The following STXBP4 variants were observed in gnomAD, a reference collection of about 807,000 sequenced individuals.
STXBP4 encodes syntaxin-binding protein 4.
Under a neutral mutation model 76.1 loss-of-function variants are expected in STXBP4, and 55 were observed. That is an observed-to-expected ratio of 0.72 (90% CI 0.58 to 0.91). STXBP4 has a LOEUF of 0.91. STXBP4 is among the 40% of genes least tolerant of loss of function. The pLI, the probability that STXBP4 is intolerant of heterozygous loss-of-function variation, is 0.00. For synonymous variants in STXBP4, 201 were observed against 220.2 expected (o/e 0.91, Z 0.77); for missense variants, 618 against 636.9 (o/e 0.97, Z 0.32).
intron 16 of STXBP4, among the ~76,000 whole-genome samples, chr17:55,090,740 C>A (rs1486121415): frequency 6.6e-6 from 1 of 152,018 alleles, no homozygotes; most frequent in Admixed American, 6.6e-5. Context: ...ATACAGCTCT[C>A]AAGATTCATA....
chr17:55,123,571 C>CA (rs780923654), intron 16 of STXBP4, among the ~76,000 whole-genome samples: 2 of 152,028 alleles, frequency 1.3e-5, no homozygotes, highest in Admixed American at 6.6e-5. Flanking sequence ...TATCTGACTG[C>CA]AACAGCAAGC....
At chr17:55,088,738 T>C (rs931166591) in intron 16 of STXBP4, among the ~76,000 whole-genome samples, 11 of 152,154 alleles carry the variant, frequency 7.2e-5, no homozygotes, top group African/African-American at 2.7e-4. Flanking sequence ...TGGACTCCAT[T>C]GAAATCTGAT....
chr17:55,084,649 G>A (rs1364669903), intron 16 of STXBP4, among the ~76,000 whole-genome samples: 3 of 151,500 alleles, frequency 2.0e-5, no homozygotes, highest in Non-Finnish European at 2.9e-5. Context: ...ATCTTGAATT[G>A]ATTTTTGTAT....
chr17:55,085,790 C>G (rs2079318616), intron 16 of STXBP4, among the ~76,000 whole-genome samples: 1 of 152,024 alleles, frequency 6.6e-6, no homozygotes, highest in Admixed American at 6.6e-5. Flanking sequence ...CTATGCCACT[C>G]ATAGTGTCTA....
intron 12 of STXBP4, among the ~76,000 whole-genome samples, chr17:55,049,772 G>T (rs2078835361): frequency 6.6e-6 from 1 of 151,772 alleles, no homozygotes; most frequent in Non-Finnish European, 1.5e-5. Context: ...TTTTTAAAAA[G>T]TTTTTCAAAA....
At chr17:55,149,976 T>G (rs1415073886) in intron 17 of STXBP4, among the ~76,000 whole-genome samples, 2 of 152,114 alleles carry the variant, frequency 1.3e-5, no homozygotes, top group African/African-American at 4.8e-5. Flanking sequence ...ATGAGGCATG[T>G]TTTTTCACAT....
intron 17 of STXBP4, among the ~76,000 whole-genome samples, chr17:55,153,667 A>G (rs1204541485): frequency 6.6e-6 from 1 of 152,186 alleles, no homozygotes; most frequent in Non-Finnish European, 1.5e-5. Context: ...AATTAAGTGA[A>G]CACCTGTATG....
the STXBP4 span, among the ~76,000 whole-genome samples, chr17:55,193,052 A>G: frequency 6.6e-5 from 10 of 152,222 alleles, no homozygotes; most frequent in African/African-American, 2.4e-4. Context: ...CTCAGAAAAG[A>G]GAAACATGAC....
At chr17:55,084,308 G>T (rs1246814919) in intron 16 of STXBP4, among the ~76,000 whole-genome samples, 1 of 152,130 alleles carries the variant, frequency 6.6e-6, no homozygotes, top group African/African-American at 2.4e-5. Flanking sequence ...CATGTCCTTT[G>T]CCCACTTTTT....
At position 55,078,943 on chromosome 17, in the gene STXBP4, C is replaced by A. The variant is rs181907673; in HGVS notation, c.1355+208C>A. ...AAATTCCTGGAGGTATTTAGTCAATCATTGTAACCTTGTAATCTAAAATTA... is the reference window on the plus strand; with the variant it reads ...AAATTCCTGGAGGTATTTAGTCAATAATTGTAACCTTGTAATCTAAAATTA... On this transcript the variant is annotated intron_variant, in intron 15 of 17. Coordinates refer to ENST00000376352, the MANE Select transcript of STXBP4 (RefSeq NM_178509.6). Among the ~76,000 whole-genome samples, 379 of 152,274 alleles carry A rather than the reference C, an allele frequency of 2.5e-3. 2 individuals carry two copies. The highest frequency in any genetic ancestry group is 8.2e-3 in the African/African-American group (341 of 41,576).
At chr17:55,045,147 A>G (rs953214107) in intron 11 of STXBP4, among the ~76,000 whole-genome samples, 4 of 152,166 alleles carry the variant, frequency 2.6e-5, no homozygotes, top group African/African-American at 9.6e-5. Flanking sequence ...ATGTTACCAT[A>G]TTCCCTTTGA....
chr17:55,190,047 GA>G, the STXBP4 span, among the ~76,000 whole-genome samples: 1 of 152,180 alleles, frequency 6.6e-6, no homozygotes, highest in South Asian at 2.1e-4. Flanking sequence ...TCTAAACGGG[GA>G]AAAAATTGGC....
the STXBP4 span, among the ~76,000 whole-genome samples, chr17:55,185,248 T>TCTTCTTCTTCTTCTTCTC: frequency 4.6e-5 from 2 of 43,940 alleles, no homozygotes; most frequent in African/African-American, 2.0e-4. Context: ...TTCTTCTTCT[T>TCTTCTTCTTCTTCTTCTC]CTCCTTCTCC....
chr17:55,077,686 C>CGTGTGTGTGT lies in STXBP4; in HGVS notation c.1189-357_1189-348dup, dbSNP rs10690646. ...CTTCCTTGCTAGCTTTGTCTTACAT[C>CGTGTGTGTGT]GTGTGTGTGTGTGTGTGTGTGTGTG... is the stretch of plus-strand genomic sequence containing the variant. On this transcript the variant is annotated intron_variant, in intron 13 of 17. Transcript: ENST00000376352. Among the ~76,000 whole-genome samples, 540 of 134,060 alleles carry CGTGTGTGTGT rather than the reference C, an allele frequency of 4.0e-3. 4 individuals are homozygous for CGTGTGTGTGT. Among genetic ancestry groups the CGTGTGTGTGT allele is most frequent in the Non-Finnish European group, 4.6e-3 (290 of 63,102 alleles). The allele number at this position is 134,060 out of a possible 152,430, so 87.9% of individuals were successfully genotyped here.
At chr17:54,983,327 A>G (rs2077576827) in intron 1 of STXBP4, among the ~76,000 whole-genome samples, 1 of 152,220 alleles carries the variant, frequency 6.6e-6, no homozygotes. Flanking sequence ...CTTGTTAAGT[A>G]TATTATATGG....
the STXBP4 span, among the ~76,000 whole-genome samples, chr17:55,184,802 C>T: frequency 2.2e-4 from 34 of 152,146 alleles, no homozygotes; most frequent in Non-Finnish European, 5.9e-5. Flanking sequence ...TGAAGGGGGT[C>T]TGTGGATTAG....
chr17:55,039,721 C>A (rs1200310596), intron 10 of STXBP4, among the ~76,000 whole-genome samples: 1 of 149,752 alleles, frequency 6.7e-6, no homozygotes, highest in Non-Finnish European at 1.5e-5. Context: ...GACATGAGAA[C>A]TAAGGAAGAA....
chr17:55,119,716 ATCT>A (rs2079823038), intron 16 of STXBP4, among the ~76,000 whole-genome samples: 1 of 152,002 alleles, frequency 6.6e-6, no homozygotes. Flanking sequence ...CTGACAGTAA[ATCT>A]TCTACTGTAT....
intron 4 of STXBP4, among the ~76,000 whole-genome samples, chr17:54,992,745 C>T (rs1339356578): frequency 7.8e-6 from 1 of 128,658 alleles, no homozygotes; most frequent in Non-Finnish European, 1.6e-5. Context: ...GAGTCTCACT[C>T]TGTTGCCCAG....
Sources: allele counts gnomAD v4.1 joint callset (sites outside exome capture counted in the v4.1 genomes callset), GRCh38; gene constraint gnomAD v4.1.1; transcripts MANE v1.5; gene names NCBI Gene and HGNC (gene_info 2026-07-23, HGNC 2026-07-21).